PRKCB: variants seen among roughly 807,000 people sequenced by gnomAD.
PRKCB encodes protein kinase C beta, also known as protein kinase C beta type.
A neutral mutation model predicts 81.5 loss-of-function variants in PRKCB; 13 were observed. The ratio of observed to expected loss-of-function variants is 0.16; its 90% confidence interval spans 0.10 to 0.25. The LOEUF (loss-of-function observed/expected upper bound fraction) is 0.25, where lower values mean the gene tolerates loss of function less well. Among genes scored for constraint, PRKCB ranks in the 10% least tolerant of loss-of-function variants. The pLI, the probability that PRKCB is intolerant of heterozygous loss-of-function variation, is 1.00. For synonymous variants in PRKCB, 335 were observed against 321.4 expected (o/e 1.04, Z -0.45); for missense variants, 509 against 875.7 (o/e 0.58, Z 5.29).
rs113629730 is a variant in PRKCB at position 23,904,433 on chromosome 16, C to G, written c.205+67027C>G. ...ATCCCAGCACTTTGGGAGGCTGAGG[C>G]AGGTGGATTGCTTGAGGCCAGGAGT... On this transcript the variant is annotated intron_variant, in intron 2 of 16. Transcript: ENST00000643927. Among the ~76,000 whole-genome samples the G allele has an allele frequency of 7.4e-3, 1,128 of 152,212 alleles. 15 individuals carry two copies. Among genetic ancestry groups the G allele is most frequent in the South Asian group, 0.043 (209 of 4,828 alleles).
intron 16 of PRKCB, 84 bp from the exon 17 acceptor site, chr16:24,214,574 A>G (rs1387802438): frequency 5.2e-6 from 6 of 1,145,186 alleles, no homozygotes; most frequent in Middle Eastern, 2.0e-4. Flanking sequence ...AGCACACCCA[A>G]TTATGCTAGG....
At chr16:24,050,092 C>G (rs1202548940) in intron 5 of PRKCB, among the ~76,000 whole-genome samples, 1 of 152,146 alleles carries the variant, frequency 6.6e-6, no homozygotes, top group African/African-American at 2.4e-5. Context: ...TTTACAGGCA[C>G]TGGTTTCACC....
intron 16 of PRKCB, among the ~76,000 whole-genome samples, chr16:24,211,949 C>T (rs1968144958): frequency 6.6e-6 from 1 of 152,140 alleles, no homozygotes; most frequent in African/African-American, 2.4e-5. Context: ...AATACTTCTG[C>T]TTCCCTCAAC....
intron 9 of PRKCB, among the ~76,000 whole-genome samples, chr16:24,124,745 G>A (rs551724840): frequency 3.6e-4 from 55 of 152,280 alleles, no homozygotes; most frequent in Non-Finnish European, 7.2e-4. Context: ...CTCATACCAT[G>A]AACTCAGGTG....
At position 23,837,547 on chromosome 16, in the gene PRKCB, A is replaced by C. The variant is rs1181471193; in HGVS notation, c.205+141A>C. ...TCCCAGGCTAGGAATTCTTCACCAC[A>C]ACAGGGTCCTTTCAAGGGGTGTGTG... On this transcript the variant is annotated intron_variant, in intron 2 of 16. Coordinates refer to ENST00000643927, the MANE Select transcript of PRKCB (RefSeq NM_002738.7). The C allele has an allele frequency of 3.8e-6, 4 of 1,056,482 alleles. No individual in the cohort carries two copies. In the African/African-American group the frequency reaches 6.4e-5, roughly 17 times the overall value. 65.4% of individuals were successfully genotyped at this position (1,056,482 alleles called of 1,614,324 possible).
chr16:24,154,572 C>A, intron 9 of PRKCB, 112 bp from the exon 10 acceptor site: 1 of 980,440 alleles, frequency 1.0e-6, no homozygotes, highest in Non-Finnish European at 1.5e-6. Flanking sequence ...GTTTCAGAGT[C>A]AACAGAAGGC....
At chr16:24,135,310 C>CTT (rs33975464) in intron 9 of PRKCB, among the ~76,000 whole-genome samples, 3,306 of 112,230 alleles carry the variant, frequency 0.029, 136 homozygotes, top group African/African-American at 0.087. Flanking sequence ...CTCAGTGTCC[C>CTT]TTTTTTTTTT....
intron 16 of PRKCB, among the ~76,000 whole-genome samples, chr16:24,198,407 G>A (rs74013162): frequency 0.13 from 19,827 of 152,220 alleles, 1,397 homozygotes; most frequent in South Asian, 0.17. Context: ...GGATTCAGCC[G>A]CCTCAGAAGA....
chr16:24,220,199 T>A lies in PRKCB; in HGVS notation c.*5383T>A. ...AATTCTAGTCTTCCAGGATTCACGG[T>A]GCACATGCTGGCATTCAACATGTGG... is the stretch of plus-strand genomic sequence containing the variant. On this transcript the variant is annotated 3_prime_UTR_variant, in exon 17 of 17. Coordinates refer to ENST00000643927, the MANE Select transcript of PRKCB (RefSeq NM_002738.7). The A allele has an allele frequency of 1.3e-6, 2 of 1,502,942 alleles. No individual in the cohort carries two copies. The highest frequency in any genetic ancestry group is 4.6e-5 in the East Asian group (2 of 43,868). 93.1% of individuals were successfully genotyped at this position (1,502,942 alleles called of 1,614,324 possible).
chr16:24,018,356 T>C (rs1274560460), intron 3 of PRKCB, among the ~76,000 whole-genome samples: 2 of 152,280 alleles, frequency 1.3e-5, no homozygotes, highest in South Asian at 2.1e-4. Context: ...TGGCAGAACA[T>C]TTCTTAAATG....
Position 24,219,052 on chromosome 16 carries a change from C to CA in PRKCB, c.*4238dup, listed in dbSNP as rs781761202. 26 of 985,454 alleles carry CA rather than the reference C, an allele frequency of 2.6e-5. No individual in the cohort carries two copies. The highest frequency in any genetic ancestry group is 3.1e-5 in the Non-Finnish European group (26 of 829,994). 61.0% of individuals were successfully genotyped at this position (985,454 alleles called of 1,614,324 possible). ...TGGGTGTGGTGATGATGAGGAAAGA[C>CA]AAGAGGCTTGCAAGGACCCTGAAGA... is the stretch of plus-strand genomic sequence containing the variant. On this transcript the variant is annotated 3_prime_UTR_variant, in exon 17 of 17. Transcript: ENST00000643927.
chr16:23,925,089 T>C (rs988514492), intron 2 of PRKCB, among the ~76,000 whole-genome samples: 1 of 152,114 alleles, frequency 6.6e-6, no homozygotes, highest in Non-Finnish European at 1.5e-5. Context: ...GTTATTTAAC[T>C]GCCTTCTAGT....
intron 5 of PRKCB, among the ~76,000 whole-genome samples, chr16:24,073,793 C>A (rs1344057121): frequency 3.9e-5 from 6 of 152,128 alleles, no homozygotes. Flanking sequence ...ATATGTTGAT[C>A]TTTTCCAGAA....
At chr16:23,999,392 G>A (rs1965002893) in intron 3 of PRKCB, among the ~76,000 whole-genome samples, 1 of 152,240 alleles carries the variant, frequency 6.6e-6, no homozygotes, top group African/African-American at 2.4e-5. Context: ...GCTTTGTGCT[G>A]TTGGCATTAT....
intron 2 of PRKCB, among the ~76,000 whole-genome samples, chr16:23,883,649 G>A (rs1266068503): frequency 6.6e-6 from 1 of 152,214 alleles, no homozygotes; most frequent in African/African-American, 2.4e-5. Flanking sequence ...GTCTTTGTCT[G>A]CACGGGCAGC....
At chr16:23,895,573 A>C (rs1963365829) in intron 2 of PRKCB, among the ~76,000 whole-genome samples, 1 of 152,114 alleles carries the variant, frequency 6.6e-6, no homozygotes, top group Non-Finnish European at 1.5e-5. Flanking sequence ...TTTGTTTTGT[A>C]CATTTCTAAT....
chr16:24,081,360 A>C (rs1325955227), intron 5 of PRKCB, among the ~76,000 whole-genome samples: 1 of 152,162 alleles, frequency 6.6e-6, no homozygotes, highest in African/African-American at 2.4e-5. Context: ...ATTGGACAAA[A>C]CTCAATATTC....
chr16:23,964,593 A>G (rs1964464030), intron 2 of PRKCB, among the ~76,000 whole-genome samples: 2 of 151,624 alleles, frequency 1.3e-5, no homozygotes, highest in Non-Finnish European at 2.9e-5. Context: ...TAAGGTAAGT[A>G]TTGTTATCCC....
intron 2 of PRKCB, among the ~76,000 whole-genome samples, chr16:23,879,526 A>T (rs1963072752): frequency 3.0e-5 from 3 of 100,650 alleles, no homozygotes; most frequent in East Asian, 2.8e-4. Flanking sequence ...TTTGAGACGG[A>T]GCCCCACTGT....
Sources: allele counts gnomAD v4.1 joint callset (sites outside exome capture counted in the v4.1 genomes callset), GRCh38; gene constraint gnomAD v4.1.1; transcripts MANE v1.5; gene names NCBI Gene and HGNC (gene_info 2026-07-23, HGNC 2026-07-21).